Variants in MBNL2 observed in about 807,000 individuals in gnomAD.
The protein encoded by MBNL2 is muscleblind-like protein 2.
A neutral mutation model predicts 41.9 loss-of-function variants in MBNL2; 17 were observed. The ratio of observed to expected loss-of-function variants is 0.41; its 90% confidence interval spans 0.28 to 0.61. The LOEUF is 0.61. MBNL2 is among the 20% of genes least tolerant of loss of function. MBNL2 has a pLI of 0.35. For synonymous variants in MBNL2, 195 were observed against 182.9 expected (o/e 1.07, Z -0.53); for missense variants, 336 against 505.6 (o/e 0.66, Z 3.22).
the MBNL2 span, among the ~76,000 whole-genome samples, chr13:97,154,837 GGATA>G: frequency 2.6e-5 from 4 of 151,664 alleles, no homozygotes; most frequent in Admixed American, 6.6e-5. Flanking sequence ...ATGGATGGAT[GGATA>G]GACAAGCTGA....
At chr13:97,212,653 G>A in the MBNL2 span, among the ~76,000 whole-genome samples, 547 of 152,262 alleles carry the variant, frequency 3.6e-3, 7 homozygotes, top group African/African-American at 0.012. Context: ...AATCATTCAG[G>A]TGTTTTCCCA....
At chr13:97,200,560 C>A in the MBNL2 span, among the ~76,000 whole-genome samples, 2 of 152,058 alleles carry the variant, frequency 1.3e-5, no homozygotes, top group Non-Finnish European at 2.9e-5. Flanking sequence ...AGTCATTGGA[C>A]AACAAAAAAA....
At chr13:97,370,924 G>GAC (rs1250954861) in intron 8 of MBNL2, among the ~76,000 whole-genome samples, 2 of 152,158 alleles carry the variant, frequency 1.3e-5, no homozygotes, top group Non-Finnish European at 2.9e-5. Context: ...TAGGTAGCAT[G>GAC]TAAATTAGTC....
intron 1 of MBNL2, among the ~76,000 whole-genome samples, chr13:97,254,383 A>G (rs2047140013): frequency 6.6e-6 from 1 of 152,238 alleles, no homozygotes; most frequent in South Asian, 2.1e-4. Flanking sequence ...TTTTTGAAGC[A>G]TGATAAGGGA....
the MBNL2 span, among the ~76,000 whole-genome samples, chr13:97,189,742 C>T: frequency 6.6e-6 from 1 of 152,196 alleles, no homozygotes; most frequent in Non-Finnish European, 1.5e-5. Flanking sequence ...CTTGGCTCAT[C>T]TATCACCCTA....
chr13:97,239,164 T>C (rs1439224994), intron 1 of MBNL2, among the ~76,000 whole-genome samples: 2 of 152,250 alleles, frequency 1.3e-5, no homozygotes, highest in Non-Finnish European at 2.9e-5. Flanking sequence ...ACAAATATTT[T>C]TTGTACTACT....
the MBNL2 span, among the ~76,000 whole-genome samples, chr13:97,214,527 A>G: frequency 6.7e-3 from 1,027 of 152,350 alleles, 10 homozygotes; most frequent in East Asian, 0.02. Context: ...AGTATAGCAC[A>G]TGAGTGTATG....
At chr13:97,214,942 A>T in the MBNL2 span, among the ~76,000 whole-genome samples, 3 of 152,224 alleles carry the variant, frequency 2.0e-5, no homozygotes, top group Non-Finnish European at 2.9e-5. Flanking sequence ...ACAATTCACC[A>T]TTTGGAAAGG....
chr13:97,238,511 G>T (rs1409163371), intron 1 of MBNL2, among the ~76,000 whole-genome samples: 1 of 152,170 alleles, frequency 6.6e-6, no homozygotes, highest in Non-Finnish European at 1.5e-5. Context: ...AATGGGAAAT[G>T]GTGGCAGATC....
chr13:97,159,345 T>G, the MBNL2 span, among the ~76,000 whole-genome samples: 1 of 152,024 alleles, frequency 6.6e-6, no homozygotes, highest in African/African-American at 2.4e-5. Flanking sequence ...CTTGACTCTT[T>G]ATCCAGTTTG....
At chr13:97,382,068 T>A (rs1238990887) in intron 8 of MBNL2, among the ~76,000 whole-genome samples, 1 of 152,206 alleles carries the variant, frequency 6.6e-6, no homozygotes, top group African/African-American at 2.4e-5. Context: ...ACTGTAAATA[T>A]TTTAAACACT....
intron 1 of MBNL2, among the ~76,000 whole-genome samples, chr13:97,244,191 T>G (rs1017026758): frequency 2.0e-5 from 3 of 152,252 alleles, no homozygotes; most frequent in African/African-American, 7.2e-5. Context: ...TCTTTAGTCA[T>G]ATTTAATTTC....
chr13:97,146,731 A>C, the MBNL2 span, among the ~76,000 whole-genome samples: 1 of 152,190 alleles, frequency 6.6e-6, no homozygotes, highest in Admixed American at 6.5e-5. Context: ...AAAAGCAGCT[A>C]TCTGGGATGC....
intron 5 of MBNL2, among the ~76,000 whole-genome samples, chr13:97,351,888 G>A (rs2153097524): frequency 6.6e-6 from 1 of 152,192 alleles, no homozygotes; most frequent in African/African-American, 2.4e-5. Flanking sequence ...GCTGGGCATG[G>A]TGGTGCACGC....
At chr13:97,387,792 T>C (rs1419062550) in intron 8 of MBNL2, among the ~76,000 whole-genome samples, 1 of 152,214 alleles carries the variant, frequency 6.6e-6, no homozygotes, top group Non-Finnish European at 1.5e-5. Flanking sequence ...TGACCTAGCT[T>C]GTAAGACTCT....
At chr13:97,261,869 C>T (rs981354515) in intron 1 of MBNL2, among the ~76,000 whole-genome samples, 1 of 152,222 alleles carries the variant, frequency 6.6e-6, no homozygotes, top group Non-Finnish European at 1.5e-5. Flanking sequence ...CTCGTTTCCT[C>T]GCTGAGGCTG....
At chr13:97,206,632 G>C in the MBNL2 span, among the ~76,000 whole-genome samples, 3 of 152,116 alleles carry the variant, frequency 2.0e-5, no homozygotes, top group Non-Finnish European at 4.4e-5. Flanking sequence ...AGGGACAGGA[G>C]ACCCCAGGCA....
the MBNL2 span, among the ~76,000 whole-genome samples, chr13:97,187,784 G>A: frequency 6.6e-6 from 1 of 151,706 alleles, no homozygotes; most frequent in East Asian, 1.9e-4. Flanking sequence ...GCGGGCGCCT[G>A]TAGTCCCAGC....
intron 7 of MBNL2, chr13:97,362,841 T>A (rs2153115330): frequency 6.6e-6 from 1 of 152,406 alleles, no homozygotes; most frequent in South Asian, 2.1e-4. Context: ...TAGTGATGGA[T>A]GAACAGATGA....
Sources: allele counts gnomAD v4.1 joint callset (sites outside exome capture counted in the v4.1 genomes callset), GRCh38; gene constraint gnomAD v4.1.1; transcripts MANE v1.5; gene names NCBI Gene and HGNC (gene_info 2026-07-23, HGNC 2026-07-21).